PCDHGB6: variants seen among roughly 807,000 people sequenced by gnomAD.
The protein encoded by PCDHGB6 is protocadherin gamma subfamily B, 6.
In PCDHGB6, 51 loss-of-function variants were observed where a neutral mutation model predicts 59.1. That is an observed-to-expected ratio of 0.86 (90% confidence interval 0.69 to 1.09). The LOEUF (loss-of-function observed/expected upper bound fraction) is 1.09. Ranked by LOEUF, PCDHGB6 falls within the 50% of genes least tolerant of loss-of-function variation. The pLI, the probability that PCDHGB6 is intolerant of heterozygous loss-of-function variation, is 0.00. For missense variants in PCDHGB6, 1,148 were observed against 1,205.1 expected (o/e 0.95, Z 0.70); for synonymous variants, 466 against 495.1 (o/e 0.94, Z 0.78).
At chr5:141,436,668 C>CA (rs1159051861) in intron 1 of PCDHGB6, among the ~76,000 whole-genome samples, 1 of 151,748 alleles carries the variant, frequency 6.6e-6, no homozygotes, top group South Asian at 2.1e-4. Flanking sequence ...AGTGGTTGAC[C>CA]AAAAAAAGGA....
intron 1 of PCDHGB6, among the ~76,000 whole-genome samples, chr5:141,439,406 C>T (rs2098110611): frequency 6.6e-6 from 1 of 152,190 alleles, no homozygotes; most frequent in Non-Finnish European, 1.5e-5. Flanking sequence ...CATGTGCTAA[C>T]ATCACTGAGG....
intron 1 of PCDHGB6, chr5:141,426,945 A>G: frequency 8.8e-6 from 4 of 456,724 alleles, no homozygotes; most frequent in Non-Finnish European, 1.8e-5. Context: ...CCCAGTCCCA[A>G]CTGGCACTGC....
chr5:141,465,049 T>G (rs546927594), intron 1 of PCDHGB6, among the ~76,000 whole-genome samples: 1 of 152,016 alleles, frequency 6.6e-6, no homozygotes, highest in Non-Finnish European at 1.5e-5. Flanking sequence ...ACCCTATATA[T>G]TTTTTTGAAT....
rs1562187768 is a variant in PCDHGB6, at chr5:141,499,029, A to AAGG, written c.2477+4165_2477+4166insGGA. 5.0e-3 allele frequency among the ~76,000 whole-genome samples: 706 copies of AAGG among 140,066 alleles called. 6 individuals carry two copies. Among genetic ancestry groups the AAGG allele is most frequent in the African/African-American group, 0.019 (683 of 36,064 alleles). The allele number at this position is 140,066 out of a possible 152,430, so 91.9% of individuals were successfully genotyped here. A position where few individuals can be genotyped will look rare whatever the true frequency, so the allele number is the denominator to read the frequency against. ...GGAAGGAAGGAAGGAAGGAAGGAAG[A>AAGG]AAAGAAAGAAAAAGGGAGAAAAAAT... On this transcript the variant is annotated intron_variant, in intron 2 of 3. Transcript: ENST00000520790.
At chr5:141,455,661 T>TG (rs2098828692) in intron 1 of PCDHGB6, among the ~76,000 whole-genome samples, 1 of 152,024 alleles carries the variant, frequency 6.6e-6, no homozygotes, top group South Asian at 2.1e-4. Context: ...CAGGAACTTG[T>TG]GGGGCAAGGG....
rs1413636372 is a variant in PCDHGB6, at chr5:141,409,769, G to C, written c.1567G>C (p.Glu523Gln). 2 of 1,612,776 alleles carry C rather than the reference G, an allele frequency of 1.2e-6. No homozygotes were observed. The highest frequency in any genetic ancestry group is 1.7e-6 in the Non-Finnish European group (2 of 1,179,750). The change falls in exon 1 of 4, where the codon GAG becomes CAG. Residue 523 changes from glutamate to glutamine, a missense_variant. Glu to Gln is a conservative substitution (Grantham distance 29, BLOSUM62 2). This residue lies in a region of PCDHGB6 where 549 missense variants were observed against 527.5 expected (regional missense o/e 1.04). Coordinates refer to ENST00000520790, the MANE Select transcript of PCDHGB6 (RefSeq NM_018926.3). ...VVFAQRAFDH[E>Q]QLRAFALTLQ... ...GTTCGCGCAGCGCGCCTTTGATCAC[G>C]AGCAGCTGCGCGCCTTCGCGCTCAC...
chr5:141,511,361 G>C lies in PCDHGB6; in HGVS notation c.*188G>C, dbSNP rs2099883750. 7.4e-7 allele frequency: 1 copy of C among 1,345,388 alleles called. No individual in the cohort carries two copies. Among genetic ancestry groups the C allele is most frequent in the Non-Finnish European group, 9.9e-7 (1 of 1,006,550 alleles). The allele number at this position is 1,345,388 out of a possible 1,614,324, so 83.3% of individuals were successfully genotyped here. On this transcript the variant is annotated 3_prime_UTR_variant, in exon 4 of 4. Transcript: ENST00000520790. ...CCTACCCCTTCCCCCCCAGGGGGTTGAATATGCAAAAGCAGTTCCGCTGGG... is the reference window on the plus strand; with the variant it reads ...CCTACCCCTTCCCCCCCAGGGGGTTCAATATGCAAAAGCAGTTCCGCTGGG...
intron 1 of PCDHGB6, chr5:141,417,885 G>A (rs761442517): frequency 2.6e-6 from 4 of 1,562,806 alleles, no homozygotes; most frequent in Admixed American, 1.9e-5. Flanking sequence ...GCGCAGAGGC[G>A]CCGGGCCGGC....
intron 1 of PCDHGB6, chr5:141,430,796 C>T (rs1347347402): frequency 6.6e-6 from 10 of 1,522,232 alleles, no homozygotes; most frequent in Non-Finnish European, 8.8e-6. Flanking sequence ...CTACAAAGGG[C>T]TTGTCCTGCT....
At position 141,413,851 on chromosome 5, in the gene PCDHGB6, C is replaced by T. The variant is rs766108205; in HGVS notation, c.2418+3231C>T. The T allele has an allele frequency of 1.5e-5, 25 of 1,613,340 alleles. No homozygotes were observed. In the East Asian group the frequency reaches 2.7e-4, roughly 17 times the overall value. ...CGCCTCCGACGGGGGTGACCCTCTC[C>T]GATCTGGCACTGTCCTTGTCAGTGT... On this transcript the variant is annotated intron_variant, in intron 1 of 3. Coordinates refer to ENST00000520790, the MANE Select transcript of PCDHGB6 (RefSeq NM_018926.3).
intron 2 of PCDHGB6, among the ~76,000 whole-genome samples, chr5:141,502,866 C>CTCTTTTTT (rs1554188502): frequency 2.3e-5 from 3 of 128,046 alleles, no homozygotes; most frequent in Non-Finnish European, 3.2e-5. Flanking sequence ...GACTCTCTGT[C>CTCTTTTTT]TTTTTTTTTT....
chr5:141,414,785 C>A, intron 1 of PCDHGB6: 1 of 1,614,232 alleles, frequency 6.2e-7, no homozygotes, highest in Non-Finnish European at 8.5e-7. Context: ...ATGCAGGTGA[C>A]AGCCAGCGAC....
At chr5:141,415,791 C>G (rs2095959265) in intron 1 of PCDHGB6, 4 of 1,341,886 alleles carry the variant, frequency 3.0e-6, no homozygotes, top group Admixed American at 8.1e-5. Context: ...GTAAAATTCA[C>G]CTAGTCTCAA....
chr5:141,442,119 C>T (rs563017984), intron 1 of PCDHGB6: 1 of 166,262 alleles, frequency 6.0e-6, no homozygotes, highest in African/African-American at 2.4e-5. Context: ...CCCCTCGTCG[C>T]CGACAGCCTG....
At position 141,463,610 on chromosome 5, in the gene PCDHGB6, G is replaced by T. The variant is rs189991450; in HGVS notation, c.2419-31197G>T. Among the ~76,000 whole-genome samples, 263 of 151,786 alleles carry T rather than the reference G, an allele frequency of 1.7e-3. 1 individual carries two copies. The highest frequency in any genetic ancestry group is 3.4e-3 in the Middle Eastern group (1 of 292). ...ACTACAGGTGCCTGCCACCATGCCC[G>T]GCTAATTTTTTGTATTTTGTTTAGT... On this transcript the variant is annotated intron_variant, in intron 1 of 3. Transcript: ENST00000520790.
intron 1 of PCDHGB6, among the ~76,000 whole-genome samples, chr5:141,481,668 A>G (rs1051166504): frequency 6.6e-6 from 1 of 152,090 alleles, no homozygotes; most frequent in Admixed American, 6.6e-5. Flanking sequence ...TAATACAAAA[A>G]TCAGGCCGGG....
chr5:141,421,931 A>T, intron 1 of PCDHGB6: 1 of 1,613,556 alleles, frequency 6.2e-7, no homozygotes, highest in East Asian at 2.2e-5. Context: ...GTGGTCCTCG[A>T]TGTAAATGAT....
chr5:141,477,432 C>T lies in PCDHGB6; in HGVS notation c.2419-17375C>T, dbSNP rs1184041591. 6.2e-7 allele frequency: 1 copy of T among 1,614,186 alleles called. No individual in the cohort carries two copies. Among genetic ancestry groups the T allele is most frequent in the Admixed American group, 1.7e-5 (1 of 60,028 alleles). ...GACGCCGGAACCCCTTCCCTCTCAG[C>T]CCTTACAATAGTGCGTGTTCAAGTG... On this transcript the variant is annotated intron_variant, in intron 1 of 3. Transcript: ENST00000520790. This position sits in a 1 kb window ranked among gnomAD's most constrained non-coding sequence, Gnocchi z 4.9.
Position 141,490,942 on chromosome 5 carries a change from C to T in PCDHGB6, c.2419-3865C>T, listed in dbSNP as rs371286343. On this transcript the variant is annotated intron_variant, in intron 1 of 3. Coordinates refer to ENST00000520790, the MANE Select transcript of PCDHGB6 (RefSeq NM_018926.3). This position sits in a 1 kb window ranked among gnomAD's most constrained non-coding sequence, Gnocchi z 5.4. ...TAATGCCCCAGCTGTGCTGCACCCA[C>T]GGCCAGACTGGGAACACTCAGCCCC... 8.7e-5 allele frequency: 141 copies of T among 1,613,526 alleles called. No individual in the cohort carries two copies. Among genetic ancestry groups the T allele is most frequent in the Non-Finnish European group, 1.1e-4 (126 of 1,179,768 alleles).
Sources: allele counts gnomAD v4.1 joint callset (sites outside exome capture counted in the v4.1 genomes callset), GRCh38; gene constraint gnomAD v4.1.1; regional missense constraint gnomAD v4.1.1; non-coding constraint Gnocchi (gnomAD v3.1); transcripts MANE v1.5; gene names NCBI Gene and HGNC (gene_info 2026-07-23, HGNC 2026-07-21).